CLDN5: variants seen among roughly 807,000 people sequenced by gnomAD.
CLDN5 encodes the protein claudin 5.
Under a neutral mutation model 1.3 loss-of-function variants are expected in CLDN5, and 4 were observed. That is an observed-to-expected ratio of 3.07 (90% CI 1.51 to 7.03). The LOEUF (loss-of-function observed/expected upper bound fraction) is 7.03. Among genes scored for constraint, CLDN5 ranks in the 30% most tolerant of loss-of-function variants. The probability of loss-of-function intolerance (pLI) is 0.00; values close to 1 mark genes in which losing one functional copy is unlikely to be tolerated. For missense variants in CLDN5, 225 were observed against 303.5 expected (o/e 0.74, Z 1.92); for synonymous variants, 156 against 152.3 (o/e 1.02, Z -0.18).
In CLDN5 at chr22:19,523,972, A is replaced by G; in HGVS notation, c.284T>C (p.Leu95Pro). ...CTGCGCGCCCGCCAGGGTCACGAAG[A>G]GCGCAACGAACGCCAGCAGCACGGC... ...VSAVLLAFVA[L>P]FVTLAGAQCT... Residue 95 changes from leucine (L) to proline (P), a missense_variant, in exon 1 of 1, where the codon CTC (leucine) becomes CCC (proline). Physicochemically the swap from Leu to Pro is moderately conservative, Grantham distance 98. Around this residue, in one of 3 missense-constraint regions of CLDN5, gnomAD observed 165 missense variants for 211.9 expected, o/e 0.78. Transcript: ENST00000618236. 1.3e-6 allele frequency: 2 copies of G among 1,588,334 alleles called. No homozygotes were observed. Among genetic ancestry groups the G allele is most frequent in the Non-Finnish European group, 1.7e-6 (2 of 1,173,158 alleles).
Position 19,524,298 on chromosome 22 carries a change from A to G in CLDN5, c.-43T>C. 2 of 1,536,810 alleles carry G rather than the reference A, an allele frequency of 1.3e-6. No individual in the cohort carries two copies. Among genetic ancestry groups the G allele is most frequent in the Non-Finnish European group, 1.8e-6 (2 of 1,140,700 alleles). On this transcript the variant is annotated 5_prime_UTR_variant, in exon 1 of 1. Coordinates refer to ENST00000618236, the MANE Select transcript of CLDN5 (RefSeq NM_001363066.2). The stretch of plus-strand genomic sequence containing the variant: ...GCACCCGAAGGCCCGCAGAACCCCC[A>G]AGGCCGTGCTGCGCGGCGCCCTGGG...
upstream of CLDN5, chr22:19,524,757 A>G (rs1026032487): frequency 1.8e-5 from 22 of 1,249,722 alleles, no homozygotes; most frequent in Non-Finnish European, 2.1e-5. Context: ...CACCCAGTCC[A>G]CTCCCACATC....
In CLDN5 at chr22:19,523,697, C is replaced by T. The variant is rs755562898; in HGVS notation, c.559G>A (p.Val187Ile). 1.2e-6 allele frequency: 2 copies of T among 1,607,928 alleles called. No individual in the cohort carries two copies. Among genetic ancestry groups the T allele is most frequent in the African/African-American group, 1.3e-5 (1 of 74,912 alleles). The part of the protein sequence containing the change: ...GGCLLCCGAW[V>I]CTGRPDLSFP... ...CTGAGGTCGGGACGGCCGGTGCAGA[C>T]CCAGGCGCCGCAGCACAAGAGGCAG... Residue 187 changes from valine (V) to isoleucine (I), a missense_variant, in exon 1 of 1, where the codon GTC becomes ATC. Transcript: ENST00000618236.
At position 19,524,197 on chromosome 22, in the gene CLDN5, C is replaced by G. The variant is rs774631274; in HGVS notation, c.59G>C (p.Gly20Ala). 6.2e-7 allele frequency: 1 copy of G among 1,604,556 alleles called. No homozygotes were observed. The highest frequency in any genetic ancestry group is 1.7e-5 in the Admixed American group (1 of 58,976). ...GLVLCLVGWG[G>A]LILACGLPMW... ...GGGCAGCCCGCACGCCAGGATCAGA[C>G]CCCCCCAGCCCACCAGGCACAGCAC... Residue 20 changes from glycine to alanine, a missense_variant, in exon 1 of 1, where the codon GGT becomes GCT. This residue lies in a region of CLDN5 where 41 missense variants were observed against 40.5 expected (regional missense o/e 1.01). Transcript: ENST00000618236.
rs568221772 is a variant in CLDN5, at chr22:19,523,742, C to T, written c.514G>A (p.Ala172Thr). Residue 172 changes from alanine to threonine, a missense_variant, in exon 1 of 1, where the codon GCG becomes ACG. Transcript: ENST00000618236. ...AGGCAGCCGCCTACCATGAGCAGCG[C>T]GGTGGCCGCCCAGCCGATGTACAGC... Reference protein sequence around the residue: ...AALYIGWAATALLMVGGCLLC... With the variant: ...AALYIGWAATTLLMVGGCLLC... 133 of 1,604,538 alleles carry T rather than the reference C, an allele frequency of 8.3e-5. No homozygotes were observed. The East Asian group carries it at 2.5e-3, about 30-fold the overall frequency.
In CLDN5 at chr22:19,523,102, G is replaced by A. The variant is rs1382115999; in HGVS notation, c.*497C>T. 6.4e-6 allele frequency: 1 copy of A among 157,184 alleles called. No homozygotes were observed. Among genetic ancestry groups the A allele is most frequent in the East Asian group, 1.9e-4 (1 of 5,278 alleles). 9.7% of individuals were successfully genotyped at this position (157,184 alleles called of 1,614,324 possible). A position where few individuals can be genotyped will look rare whatever the true frequency, so the allele number is the denominator to read the frequency against. On this transcript the variant is annotated 3_prime_UTR_variant, in exon 1 of 1. Transcript: ENST00000618236. ...CTCTCTCAAGCTCCGGTGCCCACAA[G>A]CCTTGCCTGGGGAGATGCTGGAGTG...
chr22:19,524,663 C>A (rs1934193145), upstream of CLDN5: 1 of 1,337,308 alleles, frequency 7.5e-7, no homozygotes, highest in Non-Finnish European at 9.6e-7. Flanking sequence ...GCATTCTGGG[C>A]TGGCCTAGGG....
upstream of CLDN5, chr22:19,524,477 C>A: frequency 7.0e-7 from 1 of 1,433,552 alleles, no homozygotes; most frequent in East Asian, 2.7e-5. Context: ...GCCCGGCCCC[C>A]CGGCCCGAAG....
chr22:19,524,541 A>C (rs1032938503), upstream of CLDN5: 23 of 1,392,888 alleles, frequency 1.7e-5, no homozygotes, highest in Non-Finnish European at 2.1e-5. Context: ...AGCCTCTGGC[A>C]GCTGAAGTTA....
In CLDN5 at chr22:19,524,238, C is replaced by T. The variant is rs1384106687; in HGVS notation, c.18G>A (p.Leu6=). ...GGCACAGCACCAGGCCCAGGATCTCCAACGCTGCGGACCCCATGGCTAGAG... is the reference window on the plus strand; with the variant it reads ...GGCACAGCACCAGGCCCAGGATCTCTAACGCTGCGGACCCCATGGCTAGAG... MGSAA[L]EILGLVLCLV... The change falls in exon 1 of 1, where the codon TTG becomes TTA. Residue 6 remains leucine, a synonymous_variant. Transcript: ENST00000618236. 4 of 1,586,020 alleles carry T rather than the reference C, an allele frequency of 2.5e-6. No individual in the cohort carries two copies. The Admixed American group carries it at 5.4e-5, about 21-fold the overall frequency.
In CLDN5 at chr22:19,523,529, G is replaced by A. The variant is rs1321121200; in HGVS notation, c.*70C>T. ...CCCGGCGGAAGCCGCGGTCCATGCG[G>A]GGCTCCCCAGGCTTATCCAACGCCT... On this transcript the variant is annotated 3_prime_UTR_variant, in exon 1 of 1. Coordinates refer to ENST00000618236, the MANE Select transcript of CLDN5 (RefSeq NM_001363066.2). The A allele has an allele frequency of 1.0e-5, 15 of 1,484,498 alleles. No individual in the cohort carries two copies. The highest frequency in any genetic ancestry group is 1.3e-5 in the Non-Finnish European group (15 of 1,126,374). 92.0% of individuals were successfully genotyped at this position (1,484,498 alleles called of 1,614,324 possible).
upstream of CLDN5, chr22:19,524,572 G>T (rs539346214): frequency 4.5e-5 from 61 of 1,365,328 alleles, no homozygotes; most frequent in Admixed American, 1.7e-3. Flanking sequence ...GGCTCTTGAG[G>T]GGTAGCTGAG....
upstream of CLDN5, chr22:19,524,895 C>A: frequency 9.4e-7 from 1 of 1,068,034 alleles, no homozygotes; most frequent in Non-Finnish European, 1.1e-6. Context: ...AAGCCCGCCC[C>A]GGGGTCCAAG....
At position 19,523,648 on chromosome 22, in the gene CLDN5, G is replaced by A; in HGVS notation, c.608C>T (p.Pro203Leu). Residue 203 changes from proline (P) to leucine (L), a missense_variant, in exon 1 of 1, where the codon CCG (proline) becomes CTG (leucine). Coordinates refer to ENST00000618236, the MANE Select transcript of CLDN5 (RefSeq NM_001363066.2). ...DLSFPVKYSA[P>L]RRPTATGDYD... ...GTCGCCGGTGGCCGTGGGCCGCCGC[G>A]GCGCTGAGTACTTCACGGGGAAGCT... is the stretch of plus-strand genomic sequence containing the variant. 2 of 1,602,496 alleles carry A rather than the reference G, an allele frequency of 1.2e-6. No individual in the cohort carries two copies. The highest frequency in any genetic ancestry group is 1.7e-6 in the Non-Finnish European group (2 of 1,176,776).
rs1362518964 is a variant in CLDN5, at chr22:19,523,890, G to A, written c.366C>T (p.Gly122=). ...PAKARVALTG[G]VLYLFCGLLA... ...GCAGCCCGCAAAACAGGTAGAGCAC[G>A]CCTCCCGTGAGGGCCACACGCGCCT... is the stretch of plus-strand genomic sequence containing the variant. Residue 122 remains glycine (G), a synonymous_variant, in exon 1 of 1, where the codon GGC becomes GGT. Transcript: ENST00000618236. 3 of 1,607,352 alleles carry A rather than the reference G, an allele frequency of 1.9e-6. No homozygotes were observed. Among genetic ancestry groups the A allele is most frequent in the African/African-American group, 2.7e-5 (2 of 75,004 alleles).
At position 19,523,157 on chromosome 22, in the gene CLDN5, TC is replaced by T. The variant is rs1934141665; in HGVS notation, c.*441del. ...CGGGAGGTCCAGGCCAAGTCACTGGTCCCTGGGCTCGGGCCCTGCCGATGGA... is the reference window on the plus strand; with the variant it reads ...CGGGAGGTCCAGGCCAAGTCACTGGTCCTGGGCTCGGGCCCTGCCGATGGA... On this transcript the variant is annotated 3_prime_UTR_variant, in exon 1 of 1. Transcript: ENST00000618236. 1 of 166,266 alleles carries T rather than the reference TC, an allele frequency of 6.0e-6. No homozygotes were observed. Among genetic ancestry groups the T allele is most frequent in the African/African-American group, 2.4e-5 (1 of 41,788 alleles). 10.3% of individuals were successfully genotyped at this position (166,266 alleles called of 1,614,324 possible).
upstream of CLDN5, chr22:19,524,503 C>T (rs910878823): frequency 5.6e-5 from 80 of 1,419,084 alleles, no homozygotes; most frequent in Non-Finnish European, 7.3e-5. Flanking sequence ...AATCCGTGCG[C>T]GGGTCATCGT....
upstream of CLDN5, chr22:19,524,607 C>T: frequency 7.4e-7 from 1 of 1,346,500 alleles, no homozygotes; most frequent in Admixed American, 3.8e-5. Flanking sequence ...CCCCGCCCGG[C>T]AGCCGCCCCC....
upstream of CLDN5, chr22:19,524,972 T>C: frequency 9.9e-7 from 1 of 1,011,236 alleles, no homozygotes; most frequent in Non-Finnish European, 1.2e-6. Flanking sequence ...ACTGTCTCTC[T>C]CATCCCATGG....
Sources: gnomAD v4.1 joint callset for allele counts on GRCh38, gnomAD v4.1.1 for gene constraint, gnomAD v4.1.1 regional missense constraint, MANE v1.5 for transcripts, NCBI Gene and HGNC (gene_info 2026-07-23, HGNC 2026-07-21) for gene names.